ADAM12: variants seen among roughly 807,000 people sequenced by gnomAD.
ADAM12 encodes disintegrin and metalloproteinase domain-containing protein 12.
ADAM12 carries 70 observed loss-of-function variants against 106.4 expected under a neutral mutation model. The observed-to-expected ratio is 0.66, with a 90% CI of 0.54 to 0.80. ADAM12 has a LOEUF of 0.80. ADAM12 is among the 30% of genes least tolerant of loss of function. ADAM12 has a pLI of 0.00. For missense variants in ADAM12, 1,010 were observed against 1,171.9 expected (o/e 0.86, Z 2.02); for synonymous variants, 420 against 433.5 (o/e 0.97, Z 0.39).
intron 3 of ADAM12, among the ~76,000 whole-genome samples, chr10:126,256,946 A>G (rs1393192309): frequency 6.8e-6 from 1 of 147,532 alleles, no homozygotes; most frequent in Non-Finnish European, 1.5e-5. Flanking sequence ...ATGATGATGG[A>G]GGGACTTCTG....
At chr10:126,359,470 T>C (rs187904877) in intron 1 of ADAM12, among the ~76,000 whole-genome samples, 2 of 152,242 alleles carry the variant, frequency 1.3e-5, no homozygotes, top group Non-Finnish European at 2.9e-5. Context: ...AATACAGCCA[T>C]TCCAAATGGG....
intron 3 of ADAM12, among the ~76,000 whole-genome samples, chr10:126,159,155 A>G (rs1329833320): frequency 6.6e-6 from 1 of 151,832 alleles, no homozygotes; most frequent in Non-Finnish European, 1.5e-5. Flanking sequence ...TAAAAATACA[A>G]AAAAATTAGC....
chr10:126,158,444 AC>A (rs66634335), intron 3 of ADAM12, among the ~76,000 whole-genome samples: 53,898 of 87,180 alleles, frequency 0.62, 19,876 homozygotes, highest in East Asian at 0.77. Flanking sequence ...GGGAGGATGC[AC>A]AGAGCACGGG....
At chr10:126,062,548 C>T (rs1251852096) in intron 14 of ADAM12, among the ~76,000 whole-genome samples, 1 of 152,174 alleles carries the variant, frequency 6.6e-6, no homozygotes, top group Non-Finnish European at 1.5e-5. Flanking sequence ...CTGGTTCTCT[C>T]TCTGGTCAGG....
intron 2 of ADAM12, among the ~76,000 whole-genome samples, chr10:126,285,110 C>T (rs918068380): frequency 1.3e-5 from 2 of 152,146 alleles, no homozygotes; most frequent in South Asian, 2.1e-4. Flanking sequence ...AAAAGGGCTA[C>T]AGACTGAGAG....
At chr10:126,340,721 T>C (rs1257336352) in intron 1 of ADAM12, among the ~76,000 whole-genome samples, 2 of 84,746 alleles carry the variant, frequency 2.4e-5, no homozygotes, top group Non-Finnish European at 5.3e-5. Context: ...TCGTGGCCTG[T>C]TTTTTTTTTT....
chr10:126,358,841 T>C lies in ADAM12; in HGVS notation c.89-28332A>G, dbSNP rs1323723865. ...AACAAAAAAATCAGTAGCATTTCTATATACTAAAAAGAGACTCTTCAAAAA... is the reference window on the plus strand; with the variant it reads ...AACAAAAAAATCAGTAGCATTTCTACATACTAAAAAGAGACTCTTCAAAAA... On this transcript the variant is annotated intron_variant, in intron 1 of 22. Transcript: ENST00000448723. Among the ~76,000 whole-genome samples the C allele has an allele frequency of 3.9e-5, 6 of 152,322 alleles. No homozygotes were observed. The South Asian group carries it at 6.2e-4, about 16-fold the overall frequency.
chr10:126,296,082 G>T (rs532209146), intron 2 of ADAM12, among the ~76,000 whole-genome samples: 1 of 152,166 alleles, frequency 6.6e-6, no homozygotes, highest in African/African-American at 2.4e-5. Flanking sequence ...ATCCCCGTGC[G>T]TGGGGACCAT....
chr10:126,171,030 T>C (rs1364892210), intron 3 of ADAM12, among the ~76,000 whole-genome samples: 1 of 152,224 alleles, frequency 6.6e-6, no homozygotes, highest in Non-Finnish European at 1.5e-5. Context: ...TCAATATTCT[T>C]ACAGCTGGGC....
chr10:126,258,174 A>T (rs1958930033), intron 3 of ADAM12, among the ~76,000 whole-genome samples: 1 of 152,214 alleles, frequency 6.6e-6, no homozygotes, highest in African/African-American at 2.4e-5. Flanking sequence ...CATTTAAAAT[A>T]ATGTAAGCAT....
At chr10:126,174,647 C>T (rs935576668) in intron 3 of ADAM12, among the ~76,000 whole-genome samples, 13 of 152,122 alleles carry the variant, frequency 8.5e-5, no homozygotes, top group African/African-American at 2.7e-4. Flanking sequence ...TCCATCTCCC[C>T]GTGCCCTTTA....
chr10:126,291,157 A>AT (rs980139555), intron 2 of ADAM12, among the ~76,000 whole-genome samples: 5 of 151,280 alleles, frequency 3.3e-5, no homozygotes, highest in South Asian at 4.2e-4. Flanking sequence ...TTCATGTACC[A>AT]TTTTTTTTTC....
chr10:126,194,464 GATTTA>G (rs1264155382), intron 3 of ADAM12, among the ~76,000 whole-genome samples: 1 of 152,134 alleles, frequency 6.6e-6, no homozygotes, highest in Admixed American at 6.5e-5. Flanking sequence ...AATAAAACGT[GATTTA>G]ATGTAGCATT....
chr10:126,034,197 CT>C (rs903563111), intron 21 of ADAM12, among the ~76,000 whole-genome samples: 3 of 152,148 alleles, frequency 2.0e-5, no homozygotes, highest in African/African-American at 7.2e-5. Flanking sequence ...ATACTGTAAT[CT>C]TTAGAGCAGT....
chr10:126,131,219 C>T (rs12248384), intron 5 of ADAM12, among the ~76,000 whole-genome samples: 64 of 150,304 alleles, frequency 4.3e-4, no homozygotes, highest in African/African-American at 1.4e-3. Context: ...TTCCCTCAAC[C>T]TGGTCCAGGA....
chr10:126,132,240 T>C (rs565827216), intron 5 of ADAM12, among the ~76,000 whole-genome samples: 2 of 152,352 alleles, frequency 1.3e-5, no homozygotes, highest in East Asian at 1.9e-4. Context: ...CCCAAAGTGC[T>C]AGGATTACAG....
chr10:126,036,997 C>A (rs577181427), intron 20 of ADAM12, among the ~76,000 whole-genome samples: 45 of 152,288 alleles, frequency 3.0e-4, no homozygotes, highest in African/African-American at 1.1e-3. Flanking sequence ...GCATCCATCA[C>A]CCCAAAGAGT....
At chr10:126,097,452 G>A (rs1361339999) in intron 10 of ADAM12, among the ~76,000 whole-genome samples, 3 of 152,148 alleles carry the variant, frequency 2.0e-5, no homozygotes, top group Non-Finnish European at 2.9e-5. Context: ...TGTTGGTTCC[G>A]TATATTCATG....
chr10:126,159,106 G>A (rs1213559912), intron 3 of ADAM12, among the ~76,000 whole-genome samples: 5 of 152,040 alleles, frequency 3.3e-5, no homozygotes, highest in East Asian at 1.9e-4. Flanking sequence ...TCAGGAGATC[G>A]AGACCATTCT....
Sources: gnomAD v4.1 joint callset for allele counts (sites outside exome capture counted in the v4.1 genomes callset) on GRCh38, gnomAD v4.1.1 for gene constraint, MANE v1.5 for transcripts, NCBI Gene and HGNC (gene_info 2026-07-23, HGNC 2026-07-21) for gene names.